Variants in TRABD2B observed in about 807,000 individuals in gnomAD.
The protein encoded by TRABD2B is metalloprotease TIKI2.
A neutral mutation model predicts 40.1 loss-of-function variants in TRABD2B; 14 were observed. That is an observed-to-expected ratio of 0.35 (90% CI 0.23 to 0.55). The LOEUF is 0.55. TRABD2B is among the 20% of genes least tolerant of loss of function. TRABD2B has a pLI of 0.90. For missense variants in TRABD2B, 541 were observed against 648.6 expected (o/e 0.83, Z 1.80); for synonymous variants, 263 against 277.0 (o/e 0.95, Z 0.50).
intron 2 of TRABD2B, among the ~76,000 whole-genome samples, chr1:47,918,938 T>C (rs1046945223): frequency 6.6e-6 from 1 of 152,226 alleles, no homozygotes; most frequent in Non-Finnish European, 1.5e-5. Flanking sequence ...TAACAGATGT[T>C]CCTTCCTCCT....
intron 2 of TRABD2B, among the ~76,000 whole-genome samples, chr1:47,862,502 C>A (rs1398217150): frequency 6.6e-6 from 1 of 151,778 alleles, no homozygotes; most frequent in Non-Finnish European, 1.5e-5. Context: ...ACATTAACAC[C>A]AAAAATATGA....
chr1:47,884,425 G>A (rs1013193741), intron 2 of TRABD2B, among the ~76,000 whole-genome samples: 2 of 152,072 alleles, frequency 1.3e-5, no homozygotes, highest in Non-Finnish European at 2.9e-5. Context: ...AGAGTTTTGG[G>A]GTTGCTTGTT....
chr1:47,864,563 A>C (rs1479397461), intron 2 of TRABD2B, among the ~76,000 whole-genome samples: 1 of 152,140 alleles, frequency 6.6e-6, no homozygotes, highest in Non-Finnish European at 1.5e-5. Flanking sequence ...CATTCTTGTG[A>C]TATCTGTGGC....
At chr1:47,956,360 C>A (rs372482638) in intron 2 of TRABD2B, among the ~76,000 whole-genome samples, 2 of 152,156 alleles carry the variant, frequency 1.3e-5, no homozygotes, top group Non-Finnish European at 2.9e-5. Flanking sequence ...TGGGGCTTGT[C>A]GGACAGTGGG....
chr1:47,941,406 G>A lies in TRABD2B; in HGVS notation c.666+52628C>T, dbSNP rs147702106. ...CAAACACACTTGTATGCACACACTC[G>A]CAGACATACATGTACACACATATAC... is the stretch of plus-strand genomic sequence containing the variant. On this transcript the variant is annotated intron_variant, in intron 2 of 6. Transcript: ENST00000606738. 1.1e-4 allele frequency among the ~76,000 whole-genome samples: 17 copies of A among 152,106 alleles called. No individual in the cohort carries two copies. In the East Asian group the frequency reaches 2.7e-3, roughly 24 times the overall value.
At chr1:47,777,041 G>C (rs747126785) in intron 5 of TRABD2B, among the ~76,000 whole-genome samples, 19 of 152,194 alleles carry the variant, frequency 1.2e-4, no homozygotes, top group East Asian at 3.9e-4. Flanking sequence ...CTAAGGCTGA[G>C]AGTCCTTGGA....
chr1:47,884,122 AG>A (rs1644340740), intron 2 of TRABD2B, among the ~76,000 whole-genome samples: 2 of 152,360 alleles, frequency 1.3e-5, no homozygotes, highest in South Asian at 2.1e-4. Context: ...GCTAGTCATT[AG>A]GTGCCCAGTC....
intron 2 of TRABD2B, among the ~76,000 whole-genome samples, chr1:47,937,421 GATC>G (rs1645127495): frequency 1.4e-5 from 2 of 146,068 alleles, no homozygotes; most frequent in South Asian, 2.2e-4. Flanking sequence ...CTACCATCAT[GATC>G]ATCACCATCA....
intron 2 of TRABD2B, among the ~76,000 whole-genome samples, chr1:47,942,070 G>C (rs989143406): frequency 4.6e-5 from 7 of 152,228 alleles, no homozygotes; most frequent in African/African-American, 1.7e-4. Context: ...ACTATTGGAA[G>C]AGGAGGGTGA....
intron 2 of TRABD2B, among the ~76,000 whole-genome samples, chr1:47,817,674 C>T (rs940732081): frequency 3.9e-5 from 6 of 152,186 alleles, no homozygotes; most frequent in African/African-American, 1.4e-4. Flanking sequence ...ACCCAGCCTG[C>T]TCCCAGGACT....
At chr1:47,945,591 T>C (rs1603529) in intron 2 of TRABD2B, among the ~76,000 whole-genome samples, 143,329 of 152,248 alleles carry the variant, frequency 0.94, 67,871 homozygotes, top group Non-Finnish European at 0.99. Flanking sequence ...TCCCTCCTCC[T>C]CAGTCCCTGA....
intron 2 of TRABD2B, among the ~76,000 whole-genome samples, chr1:47,804,543 C>T (rs1372549095): frequency 6.6e-6 from 1 of 152,190 alleles, no homozygotes; most frequent in African/African-American, 2.4e-5. Flanking sequence ...GGCCCAGGCA[C>T]CCAGAAGAGC....
chr1:47,811,680 T>G (rs899145801), intron 2 of TRABD2B, among the ~76,000 whole-genome samples: 1 of 152,192 alleles, frequency 6.6e-6, no homozygotes, highest in African/African-American at 2.4e-5. Flanking sequence ...ATGTGGGGTC[T>G]GCCCTGTTGG....
At chr1:47,985,974 A>G (rs1300984546) in intron 2 of TRABD2B, among the ~76,000 whole-genome samples, 1 of 152,180 alleles carries the variant, frequency 6.6e-6, no homozygotes, top group African/African-American at 2.4e-5. Context: ...ACTAAGGAGT[A>G]TATGTGAGAG....
chr1:47,965,246 G>T (rs1392729597), intron 2 of TRABD2B, among the ~76,000 whole-genome samples: 2 of 136,582 alleles, frequency 1.5e-5, no homozygotes, highest in African/African-American at 2.7e-5. Context: ...TGGGGAGGTG[G>T]GGGGAAAGTT....
intron 2 of TRABD2B, among the ~76,000 whole-genome samples, chr1:47,962,328 G>A (rs1019368299): frequency 1.3e-5 from 2 of 152,070 alleles, no homozygotes; most frequent in East Asian, 1.9e-4. Flanking sequence ...AAACCTGCAC[G>A]TTATGCACAT....
intron 2 of TRABD2B, among the ~76,000 whole-genome samples, chr1:47,967,384 G>A (rs993610925): frequency 9.3e-5 from 14 of 149,862 alleles, no homozygotes; most frequent in African/African-American, 3.0e-4. Flanking sequence ...GCAATACTTC[G>A]CTTATCCAGA....
intron 2 of TRABD2B, among the ~76,000 whole-genome samples, chr1:47,984,140 G>A (rs1010061252): frequency 6.6e-6 from 1 of 152,232 alleles, no homozygotes; most frequent in Admixed American, 6.5e-5. Context: ...AGGGAGGAAG[G>A]AGGCAAATCC....
intron 6 of TRABD2B, among the ~76,000 whole-genome samples, chr1:47,769,711 C>T (rs1644354025): frequency 6.6e-6 from 1 of 152,250 alleles, no homozygotes; most frequent in Non-Finnish European, 1.5e-5. Flanking sequence ...ATGGCTGGCA[C>T]CAAGAGGCCG....
Sources: gnomAD v4.1 joint callset for allele counts (sites outside exome capture counted in the v4.1 genomes callset) on GRCh38, gnomAD v4.1.1 for gene constraint, MANE v1.5 for transcripts, NCBI Gene and HGNC (gene_info 2026-07-23, HGNC 2026-07-21) for gene names.